Variants in CTIF observed in about 807,000 individuals in gnomAD.
The protein encoded by CTIF is cap binding complex dependent translation initiation factor, also known as CBP80/20-dependent translation initiation factor.
A neutral mutation model predicts 66.0 loss-of-function variants in CTIF; 21 were observed. That is an observed-to-expected ratio of 0.32 (90% confidence interval 0.23 to 0.46). The LOEUF is 0.46. Among genes scored for constraint, CTIF ranks in the 20% least tolerant of loss-of-function variants. CTIF has a pLI of 1.00. For missense variants in CTIF, 739 were observed against 812.7 expected (o/e 0.91, Z 1.10); for synonymous variants, 345 against 326.4 (o/e 1.06, Z -0.62).
At chr18:48,745,338 A>G (rs1422412118) in intron 7 of CTIF, among the ~76,000 whole-genome samples, 2 of 152,196 alleles carry the variant, frequency 1.3e-5, no homozygotes, top group Admixed American at 1.3e-4. Flanking sequence ...GATGTTAACT[A>G]TGATTACCTG....
intron 5 of CTIF, among the ~76,000 whole-genome samples, chr18:48,666,914 G>A (rs1363345776): frequency 6.6e-6 from 1 of 152,182 alleles, no homozygotes; most frequent in Non-Finnish European, 1.5e-5. Flanking sequence ...CTTCAGGAAG[G>A]GGTTGTGAGC....
chr18:48,632,229 G>A (rs1233606058), intron 2 of CTIF, among the ~76,000 whole-genome samples: 1 of 152,178 alleles, frequency 6.6e-6, no homozygotes, highest in Non-Finnish European at 1.5e-5. Flanking sequence ...GGCTACTGCT[G>A]GGCTGGGGTT....
chr18:48,724,012 G>A (rs184111794), intron 7 of CTIF, among the ~76,000 whole-genome samples: 4 of 152,174 alleles, frequency 2.6e-5, no homozygotes, highest in South Asian at 2.1e-4. Flanking sequence ...TAGCACCCAC[G>A]GGGGAAATTA....
chr18:48,764,036 C>T (rs1909266618), intron 9 of CTIF, among the ~76,000 whole-genome samples: 1 of 152,148 alleles, frequency 6.6e-6, no homozygotes, highest in African/African-American at 2.4e-5. Context: ...ATCAGCCAGG[C>T]TGAACCTCCC....
chr18:48,676,328 C>G (rs975191916), intron 6 of CTIF, among the ~76,000 whole-genome samples: 4 of 152,216 alleles, frequency 2.6e-5, no homozygotes, highest in African/African-American at 9.6e-5. Flanking sequence ...GGCTTTCTAT[C>G]AGGACGTATT....
intron 1 of CTIF, among the ~76,000 whole-genome samples, chr18:48,551,992 C>T (rs781284599): frequency 5.3e-5 from 8 of 152,142 alleles, no homozygotes; most frequent in African/African-American, 1.4e-4. Context: ...TTAGTAGAGA[C>T]GGGGTTTCAC....
chr18:48,540,630 A>T (rs1327285476), intron 1 of CTIF, among the ~76,000 whole-genome samples: 1 of 150,594 alleles, frequency 6.6e-6, no homozygotes, highest in Non-Finnish European at 1.5e-5. Flanking sequence ...CGGCGTGTAG[A>T]GGGGAGGGCT....
At chr18:48,680,777 G>A (rs959541227) in intron 6 of CTIF, among the ~76,000 whole-genome samples, 9 of 152,246 alleles carry the variant, frequency 5.9e-5, no homozygotes, top group African/African-American at 9.6e-5. Flanking sequence ...GGAAGGAGCC[G>A]CCGGGGCTTG....
Position 48,823,795 on chromosome 18 carries a change from AG to A in CTIF, c.1527+6420del, listed in dbSNP as rs370653592. Among the ~76,000 whole-genome samples, 949 of 152,318 alleles carry A rather than the reference AG, an allele frequency of 6.2e-3. 8 individuals carry two copies. The highest frequency in any genetic ancestry group is 0.021 in the African/African-American group (867 of 41,578). On this transcript the variant is annotated intron_variant, in intron 10 of 11. Coordinates refer to ENST00000256413, the MANE Select transcript of CTIF (RefSeq NM_014772.3). ...TCACAATATTAAATCTTCCAATCAAAGATCAGGAATAACACAAGGATCCCCA... is the reference window on the plus strand; with the variant it reads ...TCACAATATTAAATCTTCCAATCAAAATCAGGAATAACACAAGGATCCCCA...
chr18:48,669,325 C>T (rs144926664), intron 5 of CTIF, among the ~76,000 whole-genome samples: 5 of 152,270 alleles, frequency 3.3e-5, no homozygotes, highest in Admixed American at 6.5e-5. Flanking sequence ...TGGGACATCT[C>T]TCACCATTCC....
At chr18:48,825,628 A>G (rs2068568464) in intron 10 of CTIF, among the ~76,000 whole-genome samples, 1 of 152,138 alleles carries the variant, frequency 6.6e-6, no homozygotes, top group South Asian at 2.1e-4. Context: ...CAGGCGGACC[A>G]TTCCTCCTTT....
intron 1 of CTIF, among the ~76,000 whole-genome samples, chr18:48,586,068 C>T (rs905550879): frequency 6.6e-6 from 1 of 152,066 alleles, no homozygotes; most frequent in East Asian, 1.9e-4. Flanking sequence ...TGGCCTCTGC[C>T]CTCACTTTTC....
At chr18:48,583,479 G>C (rs947692540) in intron 1 of CTIF, among the ~76,000 whole-genome samples, 1 of 152,150 alleles carries the variant, frequency 6.6e-6, no homozygotes, top group African/African-American at 2.4e-5. Flanking sequence ...AAAGGAGTCG[G>C]ACTATTTTTA....
chr18:48,830,732 ACC>A lies in CTIF; in HGVS notation c.1527+13364_1527+13365del, dbSNP rs33979890. 1.0e-3 allele frequency among the ~76,000 whole-genome samples: 137 copies of A among 132,980 alleles called. 2 individuals carry two copies. The highest frequency in any genetic ancestry group is 3.7e-3 in the Middle Eastern group (1 of 270). The allele number at this position is 132,980 out of a possible 152,430, so 87.2% of individuals were successfully genotyped here. ...CTCTGCTCAGAAGTCAGTTTCTCAG[ACC>A]CCCCCCCGACCACGCCCCAGCCTGT... On this transcript the variant is annotated intron_variant, in intron 10 of 11. Transcript: ENST00000256413.
chr18:48,824,994 C>T (rs1295393785), intron 10 of CTIF, among the ~76,000 whole-genome samples: 1 of 152,166 alleles, frequency 6.6e-6, no homozygotes, highest in Non-Finnish European at 1.5e-5. Context: ...TCCACTTCCT[C>T]TCATCCTCTC....
chr18:48,665,962 G>T (rs933197244), intron 5 of CTIF, among the ~76,000 whole-genome samples: 1 of 152,108 alleles, frequency 6.6e-6, no homozygotes, highest in East Asian at 1.9e-4. Flanking sequence ...AATTACTTGG[G>T]TGTATACCTG....
At chr18:48,566,393 T>C (rs1049732166) in intron 1 of CTIF, 1 of 152,024 alleles carries the variant, frequency 6.6e-6, no homozygotes, top group Non-Finnish European at 1.5e-5. Flanking sequence ...TGAAAATGAG[T>C]GAGTGGGACA....
intron 10 of CTIF, among the ~76,000 whole-genome samples, chr18:48,854,662 T>G (rs1002905911): frequency 1.3e-5 from 2 of 152,056 alleles, no homozygotes; most frequent in Non-Finnish European, 2.9e-5. Flanking sequence ...GGCTCACACC[T>G]ATAATCTCAG....
intron 9 of CTIF, among the ~76,000 whole-genome samples, chr18:48,807,354 A>C (rs965237683): frequency 5.3e-5 from 8 of 152,186 alleles, no homozygotes; most frequent in African/African-American, 1.9e-4. Context: ...ATTCACAGAG[A>C]ATCAGAAATT....
Sources: allele counts gnomAD v4.1 joint callset (sites outside exome capture counted in the v4.1 genomes callset), GRCh38; gene constraint gnomAD v4.1.1; transcripts MANE v1.5; gene names NCBI Gene and HGNC (gene_info 2026-07-23, HGNC 2026-07-21).